The following PEPD variants were observed in gnomAD, a reference collection of about 807,000 sequenced individuals.
The protein encoded by PEPD is peptidase D.
Under a neutral mutation model 60.7 loss-of-function variants are expected in PEPD, and 53 were observed. That is an observed-to-expected ratio of 0.87 (90% CI 0.70 to 1.10). PEPD has a LOEUF of 1.10. Ranked by LOEUF, PEPD falls within the 50% of genes least tolerant of loss-of-function variation. The probability of loss-of-function intolerance (pLI) is 0.00; values close to 1 mark genes in which losing one functional copy is unlikely to be tolerated. For synonymous variants in PEPD, 267 were observed against 284.1 expected (o/e 0.94, Z 0.60); for missense variants, 711 against 711.9 (o/e 1.00, Z 0.01).
intron 9 of PEPD, among the ~76,000 whole-genome samples, chr19:33,459,465 G>A (rs535194191): frequency 2.0e-3 from 302 of 152,296 alleles, no homozygotes; most frequent in Non-Finnish European, 3.6e-3. Flanking sequence ...AGCTGGGTAC[G>A]CCACTAACAT....
intron 7 of PEPD, among the ~76,000 whole-genome samples, chr19:33,468,273 T>C (rs1348463282): frequency 6.6e-6 from 1 of 152,166 alleles, no homozygotes; most frequent in East Asian, 1.9e-4. Flanking sequence ...CACCCGTGAC[T>C]CTCACAAAGG....
At chr19:33,406,398 C>G (rs1968625125) in intron 11 of PEPD, among the ~76,000 whole-genome samples, 1 of 152,202 alleles carries the variant, frequency 6.6e-6, no homozygotes, top group East Asian at 1.9e-4. Flanking sequence ...AGAGCACGCT[C>G]CTAACTGGGA....
chr19:33,394,000 G>A (rs994193942), intron 12 of PEPD, among the ~76,000 whole-genome samples: 2 of 152,224 alleles, frequency 1.3e-5, no homozygotes, highest in Non-Finnish European at 1.5e-5. Flanking sequence ...CTCCTTGCAC[G>A]GTCCATCCAG....
At position 33,521,734 on chromosome 19, in the gene PEPD, C is replaced by G; in HGVS notation, c.17+10G>C. On this transcript the variant is annotated intron_variant, in intron 1 of 14. Transcript: ENST00000244137. The stretch of plus-strand genomic sequence containing the variant: ...CCAGCGGGAAAGAGCGAGGGAGGCG[C>G]AGCACTCACCCGGTGGCCGCCGCCA... 1 of 1,580,314 alleles carries G rather than the reference C, an allele frequency of 6.3e-7. No individual in the cohort carries two copies. The highest frequency in any genetic ancestry group is 8.6e-7 in the Non-Finnish European group (1 of 1,168,412).
At chr19:33,390,960 C>T (rs987016469) in intron 13 of PEPD, among the ~76,000 whole-genome samples, 51 of 152,266 alleles carry the variant, frequency 3.3e-4, no homozygotes, top group African/African-American at 1.2e-3. Context: ...GTAGCTCCAT[C>T]ACGAAGACCT....
At chr19:33,508,958 A>G (rs1350850476) in intron 3 of PEPD, among the ~76,000 whole-genome samples, 1 of 152,202 alleles carries the variant, frequency 6.6e-6, no homozygotes, top group Non-Finnish European at 1.5e-5. Context: ...AGCATCACAG[A>G]GAAGGAACTG....
intron 6 of PEPD, among the ~76,000 whole-genome samples, chr19:33,480,840 G>GTGTATA (rs151181225): frequency 0.021 from 3,223 of 150,926 alleles, 54 homozygotes; most frequent in South Asian, 0.071. Flanking sequence ...GTGTGTGTGT[G>GTGTATA]TATATCAAAA....
intron 12 of PEPD, among the ~76,000 whole-genome samples, chr19:33,394,897 C>T (rs891181314): frequency 5.3e-5 from 8 of 152,228 alleles, no homozygotes; most frequent in Non-Finnish European, 8.8e-5. Flanking sequence ...ACCTGCCCCA[C>T]CCCTCCTGGA....
intron 1 of PEPD, 91 bp downstream of exon 1, chr19:33,521,653 C>A: frequency 7.2e-7 from 1 of 1,381,586 alleles, no homozygotes; most frequent in Non-Finnish European, 1.0e-6. Context: ...CATTCAGCGA[C>A]CCCGGCTGAC....
At chr19:33,465,444 G>C (rs2145276179) in intron 7 of PEPD, among the ~76,000 whole-genome samples, 1 of 152,200 alleles carries the variant, frequency 6.6e-6, no homozygotes, top group South Asian at 2.1e-4. Flanking sequence ...CATCCCCTGA[G>C]GCCACACCCC....
chr19:33,509,601 G>T (rs1970882510), intron 3 of PEPD, among the ~76,000 whole-genome samples: 1 of 152,150 alleles, frequency 6.6e-6, no homozygotes, highest in Non-Finnish European at 1.5e-5. Context: ...CCCTGTGGCA[G>T]CCAGGGGCCT....
chr19:33,469,996 G>A (rs1004179838), intron 7 of PEPD, among the ~76,000 whole-genome samples: 3 of 151,818 alleles, frequency 2.0e-5, no homozygotes, highest in African/African-American at 2.4e-5. Context: ...CTCAGTGTGC[G>A]AGAACCCCCA....
Position 33,388,051 on chromosome 19 carries a change from G to C in PEPD, c.1183C>G (p.Arg395Gly), listed in dbSNP as rs1390375452. The change falls in exon 14 of 15, where the codon CGG (arginine) becomes GGG (glycine). Residue 395 changes from arginine to glycine, a missense_variant. Coordinates refer to ENST00000244137, the MANE Select transcript of PEPD (RefSeq NM_000285.4). ...AGGTGCCGTGCAGTGCGCAGGCTCC[G>C]CAGGCCGGGCTCGTCGATGCGCTCC... Reference protein sequence around the residue: ...GVERIDEPGLRSLRTARHLQP... With the variant: ...GVERIDEPGLGSLRTARHLQP... 1 of 1,555,582 alleles carries C rather than the reference G, an allele frequency of 6.4e-7. No individual in the cohort carries two copies. The highest frequency in any genetic ancestry group is 1.2e-5 in the South Asian group (1 of 84,558).
chr19:33,515,717 C>A (rs1971012212), intron 1 of PEPD, among the ~76,000 whole-genome samples: 1 of 151,732 alleles, frequency 6.6e-6, no homozygotes, highest in South Asian at 2.1e-4. Context: ...CATGACCGGC[C>A]GAAAATGCCC....
chr19:33,448,689 G>A (rs988180156), intron 9 of PEPD, among the ~76,000 whole-genome samples: 5 of 152,066 alleles, frequency 3.3e-5, no homozygotes, highest in Admixed American at 6.6e-5. Flanking sequence ...TTCAGTGCTC[G>A]GGGAGGTGAC....
chr19:33,491,917 T>C (rs1002587044), intron 5 of PEPD, among the ~76,000 whole-genome samples: 2 of 152,112 alleles, frequency 1.3e-5, no homozygotes, highest in Admixed American at 6.6e-5. Flanking sequence ...CTAGCAGATA[T>C]TTAAGAATGT....
chr19:33,424,199 A>G (rs1015236865), intron 9 of PEPD, among the ~76,000 whole-genome samples: 44 of 152,140 alleles, frequency 2.9e-4, no homozygotes, highest in African/African-American at 1.1e-3. Context: ...TCCAGTAAGT[A>G]CCTTCTCTAC....
chr19:33,401,592 G>C, intron 12 of PEPD, 129 bp downstream of exon 12: 1 of 881,350 alleles, frequency 1.1e-6, no homozygotes, highest in South Asian at 1.4e-5. Flanking sequence ...GGAATCTCAG[G>C]GACTAAGCAT....
At chr19:33,504,056 A>AT (rs1283632748) in intron 3 of PEPD, among the ~76,000 whole-genome samples, 1 of 152,208 alleles carries the variant, frequency 6.6e-6, no homozygotes, top group African/African-American at 2.4e-5. Flanking sequence ...ATACAACCTG[A>AT]AAAGCTGCAA....
Sources: allele counts gnomAD v4.1 joint callset (sites outside exome capture counted in the v4.1 genomes callset), GRCh38; gene constraint gnomAD v4.1.1; transcripts MANE v1.5; gene names NCBI Gene and HGNC (gene_info 2026-07-23, HGNC 2026-07-21).